Variants in UBE2E2 observed in about 807,000 individuals in gnomAD.
The protein encoded by UBE2E2 is ubiquitin conjugating enzyme E2 E2.
UBE2E2 carries 6 observed loss-of-function variants against 24.7 expected under a neutral mutation model. That is an observed-to-expected ratio of 0.24 (90% CI 0.13 to 0.48). The LOEUF (loss-of-function observed/expected upper bound fraction) is 0.48. UBE2E2 is among the 20% of genes least tolerant of loss of function. The pLI is 0.99. For missense variants in UBE2E2, 169 were observed against 245.0 expected, an observed-to-expected ratio of 0.69 and a Z score of 2.07; for synonymous variants, 104 against 83.6, an observed-to-expected ratio of 1.24 and a Z score of -1.33.
intron 4 of UBE2E2, among the ~76,000 whole-genome samples, chr3:23,529,499 A>C (rs1695073016): frequency 6.6e-6 from 1 of 152,196 alleles, no homozygotes; most frequent in Non-Finnish European, 1.5e-5. Flanking sequence ...CTGAGAGACA[A>C]ACCGTAGGCT....
chr3:23,293,696 TAAC>T (rs1698830336), intron 3 of UBE2E2, among the ~76,000 whole-genome samples: 1 of 152,246 alleles, frequency 6.6e-6, no homozygotes, highest in African/African-American at 2.4e-5. Flanking sequence ...GTAAGACTAA[TAAC>T]TGTCATAGCA....
At chr3:23,511,547 A>C (rs1694594799) in intron 4 of UBE2E2, among the ~76,000 whole-genome samples, 1 of 152,230 alleles carries the variant, frequency 6.6e-6, no homozygotes, top group Non-Finnish European at 1.5e-5. Context: ...TAGCAGACAC[A>C]GATTTGGGTG....
chr3:23,521,774 C>T (rs193000757), intron 4 of UBE2E2, among the ~76,000 whole-genome samples: 425 of 152,078 alleles, frequency 2.8e-3, no homozygotes, highest in Middle Eastern at 0.01. Context: ...TAGCTCAAGA[C>T]GATTCTTCTT....
At chr3:23,362,562 TCGGACAG>T (rs1454176446) in intron 3 of UBE2E2, among the ~76,000 whole-genome samples, 2 of 152,130 alleles carry the variant, frequency 1.3e-5, no homozygotes, top group Non-Finnish European at 2.9e-5. Flanking sequence ...CTGTCTGAAC[TCGGACAG>T]AGGTCCTGGC....
intron 3 of UBE2E2, among the ~76,000 whole-genome samples, chr3:23,224,156 GTTTTTTTTTTT>G (rs531661466): frequency 1.1e-5 from 1 of 93,718 alleles, no homozygotes; most frequent in Non-Finnish European, 2.0e-5. Flanking sequence ...TAAATTTTAG[GTTTTTTTTTTT>G]TTTTTTTTTT....
At chr3:23,268,758 C>G (rs1575519366) in intron 3 of UBE2E2, among the ~76,000 whole-genome samples, 1 of 148,370 alleles carries the variant, frequency 6.7e-6, no homozygotes, top group East Asian at 2.0e-4. Context: ...AATCCTAAGC[C>G]AAAAGAACGA....
intron 3 of UBE2E2, among the ~76,000 whole-genome samples, chr3:23,344,360 G>A (rs1029388668): frequency 3.3e-5 from 5 of 152,038 alleles, no homozygotes; most frequent in Non-Finnish European, 5.9e-5. Context: ...TTGGGCAACC[G>A]AAGGCTCATG....
chr3:23,481,582 A>T (rs1699261176), intron 3 of UBE2E2, among the ~76,000 whole-genome samples: 3 of 152,200 alleles, frequency 2.0e-5, no homozygotes, highest in African/African-American at 7.2e-5. Flanking sequence ...CAAGGCTGAG[A>T]AGGTGTTTTT....
At chr3:23,207,979 TC>T (rs1696197102) in intron 1 of UBE2E2, among the ~76,000 whole-genome samples, 2 of 152,136 alleles carry the variant, frequency 1.3e-5, no homozygotes, top group Non-Finnish European at 2.9e-5. Flanking sequence ...CCATTAGCCG[TC>T]ACTCTTCACT....
At chr3:23,325,012 C>T (rs531382439) in intron 3 of UBE2E2, among the ~76,000 whole-genome samples, 18 of 152,162 alleles carry the variant, frequency 1.2e-4, no homozygotes, top group Admixed American at 1.0e-3. Flanking sequence ...TGCTTTCTGC[C>T]GCCAAGCAGG....
rs1258870617 is a variant in UBE2E2, at chr3:23,317,128, A to G, written c.227+99816A>G. On this transcript the variant is annotated intron_variant, in intron 3 of 5. Coordinates refer to ENST00000396703, the MANE Select transcript of UBE2E2 (RefSeq NM_152653.4). ...TCCTTGGCTGGTGTGTCACTAGGTC[A>G]TGTGTCCCCCCAAATGTGCTGGCTC... Among the ~76,000 whole-genome samples the G allele has an allele frequency of 2.6e-5, 4 of 152,246 alleles. No homozygotes were observed. In the East Asian group the frequency reaches 5.8e-4, roughly 22 times the overall value.
At chr3:23,265,021 G>A (rs950160239) in intron 3 of UBE2E2, among the ~76,000 whole-genome samples, 1 of 152,154 alleles carries the variant, frequency 6.6e-6, no homozygotes, top group African/African-American at 2.4e-5. Context: ...TTGCAGAGTT[G>A]TGAGTGCAAG....
chr3:23,362,300 T>G lies in UBE2E2; in HGVS notation c.228-137308T>G, dbSNP rs547318297. On this transcript the variant is annotated intron_variant, in intron 3 of 5. Transcript: ENST00000396703. ...TGGGAAAGAATGAGTGAGTGTGAGCTTCCTGGGGGAGCACATCCCCCTGCG... is the reference window on the plus strand; with the variant it reads ...TGGGAAAGAATGAGTGAGTGTGAGCGTCCTGGGGGAGCACATCCCCCTGCG... Among the ~76,000 whole-genome samples, 5 of 152,242 alleles carry G rather than the reference T, an allele frequency of 3.3e-5. No homozygotes were observed. The South Asian group carries it at 8.3e-4, about 25-fold the overall frequency.
intron 3 of UBE2E2, among the ~76,000 whole-genome samples, chr3:23,221,974 A>G (rs1264316130): frequency 6.6e-6 from 1 of 152,100 alleles, no homozygotes; most frequent in East Asian, 1.9e-4. Context: ...ATACATTTAT[A>G]TATTTATATT....
At chr3:23,331,315 T>C (rs1417876753) in intron 3 of UBE2E2, among the ~76,000 whole-genome samples, 1 of 152,182 alleles carries the variant, frequency 6.6e-6, no homozygotes, top group African/African-American at 2.4e-5. Context: ...AGGTGCATTG[T>C]TTAGGTGCCA....
intron 3 of UBE2E2, among the ~76,000 whole-genome samples, chr3:23,339,437 A>C (rs934479708): frequency 1.3e-5 from 2 of 152,140 alleles, no homozygotes; most frequent in Admixed American, 1.3e-4. Flanking sequence ...TTCCTGATTT[A>C]GATAATTGTA....
intron 3 of UBE2E2, among the ~76,000 whole-genome samples, chr3:23,381,306 AG>A (rs1241029858): frequency 6.6e-6 from 1 of 152,246 alleles, no homozygotes; most frequent in Non-Finnish European, 1.5e-5. Context: ...AAGAATGTGT[AG>A]AAAAATATTC....
At chr3:23,284,499 G>T (rs71317829) in intron 3 of UBE2E2, among the ~76,000 whole-genome samples, 10,328 of 151,902 alleles carry the variant, frequency 0.068, 502 homozygotes, top group Non-Finnish European at 0.092. Flanking sequence ...GTCCTGGGCC[G>T]CAGTTATCAT....
intron 3 of UBE2E2, among the ~76,000 whole-genome samples, chr3:23,460,770 A>T (rs1308810252): frequency 1.3e-5 from 2 of 152,204 alleles, no homozygotes; most frequent in African/African-American, 2.4e-5. Flanking sequence ...GTGGTGAAGG[A>T]CATTCCAAGA....
Sources: gnomAD v4.1 joint callset for allele counts (sites outside exome capture counted in the v4.1 genomes callset) on GRCh38, gnomAD v4.1.1 for gene constraint, MANE v1.5 for transcripts, NCBI Gene and HGNC (gene_info 2026-07-23, HGNC 2026-07-21) for gene names.